The following IL1RAPL2 variants were observed in gnomAD, a reference collection of about 807,000 sequenced individuals.
IL1RAPL2 encodes the protein X-linked interleukin-1 receptor accessory protein-like 2.
In IL1RAPL2, 3 loss-of-function variants were observed where a neutral mutation model predicts 44.1. That is an observed-to-expected ratio of 0.07 (90% CI 0.03 to 0.18). The LOEUF (loss-of-function observed/expected upper bound fraction) is 0.18. Among genes scored for constraint, IL1RAPL2 ranks in the 10% least tolerant of loss-of-function variants. The pLI is 1.00. For missense variants in IL1RAPL2, 391 were observed against 496.4 expected (o/e 0.79, Z 2.02); for synonymous variants, 181 against 178.8 (o/e 1.01, Z -0.10).
chrX:105,594,952 G>A (rs142461617), intron 6 of IL1RAPL2, among the ~76,000 whole-genome samples: 6 of 111,603 alleles, frequency 5.4e-5, no homozygotes, highest in East Asian at 5.7e-4. Flanking sequence ...CACTACCTGC[G>A]TGACAGGATC....
intron 2 of IL1RAPL2, among the ~76,000 whole-genome samples, chrX:104,678,216 A>T (rs1321894413): frequency 8.9e-6 from 1 of 112,597 alleles, no homozygotes; most frequent in Non-Finnish European, 1.9e-5. Context: ...TGAACAGCCA[A>T]AGTACCTTCC....
At chrX:105,554,156 G>A (rs2036879819) in intron 6 of IL1RAPL2, among the ~76,000 whole-genome samples, 1 of 112,269 alleles carries the variant, frequency 8.9e-6, no homozygotes, top group Non-Finnish European at 1.9e-5. Context: ...ACATCAGATG[G>A]CCTATTTCTA....
chrX:105,356,168 G>A (rs1186798180), intron 5 of IL1RAPL2, among the ~76,000 whole-genome samples: 1 of 99,744 alleles, frequency 1.0e-5, no homozygotes, highest in African/African-American at 5.0e-5. Context: ...GTGTATGTGT[G>A]TGTGTGTGTG....
intron 5 of IL1RAPL2, among the ~76,000 whole-genome samples, chrX:105,292,331 G>A (rs2034619503): frequency 8.9e-6 from 1 of 112,218 alleles, no homozygotes; most frequent in Non-Finnish European, 1.9e-5. Context: ...AGGCCAAGAT[G>A]CAATAATTGA....
At chrX:104,908,791 C>A (rs948240173) in intron 2 of IL1RAPL2, among the ~76,000 whole-genome samples, 1 of 108,631 alleles carries the variant, frequency 9.2e-6, no homozygotes, top group Admixed American at 9.9e-5. Context: ...CTTGGAGTTG[C>A]TCTTCTCGAG....
intron 6 of IL1RAPL2, among the ~76,000 whole-genome samples, chrX:105,524,621 T>C (rs183376221): frequency 9.0e-6 from 1 of 110,878 alleles, no homozygotes; most frequent in Admixed American, 9.7e-5. Context: ...AAGATGTTTT[T>C]TTGAGGATGT....
chrX:104,975,292 T>C (rs1043054465), intron 2 of IL1RAPL2, among the ~76,000 whole-genome samples: 2 of 111,470 alleles, frequency 1.8e-5, no homozygotes, highest in Admixed American at 1.9e-4. Flanking sequence ...CAGAGCAGGA[T>C]TTTCAACTTT....
intron 6 of IL1RAPL2, among the ~76,000 whole-genome samples, chrX:105,620,885 G>T (rs1054850151): frequency 1.8e-5 from 2 of 111,149 alleles, no homozygotes; most frequent in Admixed American, 9.6e-5. Context: ...ATCTAATCTT[G>T]CTTCTAAATC....
intron 2 of IL1RAPL2, among the ~76,000 whole-genome samples, chrX:105,134,679 G>C (rs958197165): frequency 4.5e-5 from 5 of 111,113 alleles, no homozygotes; most frequent in Non-Finnish European, 7.6e-5. Flanking sequence ...TCTATAATAA[G>C]GACTATATAC....
At chrX:104,600,746 A>G (rs1244679834) in intron 1 of IL1RAPL2, among the ~76,000 whole-genome samples, 4 of 111,257 alleles carry the variant, frequency 3.6e-5, no homozygotes, top group Admixed American at 1.9e-4. Context: ...TTAGCTTCCA[A>G]TTATAAGTGA....
intron 2 of IL1RAPL2, among the ~76,000 whole-genome samples, chrX:104,818,758 AT>A (rs979312680): frequency 2.7e-5 from 3 of 110,986 alleles, no homozygotes; most frequent in African/African-American, 9.8e-5. Flanking sequence ...GGAAGGATCT[AT>A]TTTTTATAAT....
intron 2 of IL1RAPL2, among the ~76,000 whole-genome samples, chrX:104,822,695 C>T (rs1921334979): frequency 8.9e-6 from 1 of 111,886 alleles, no homozygotes; most frequent in South Asian, 3.7e-4. Flanking sequence ...AGTGTTATGC[C>T]TCCAGCTTTG....
At position 104,824,860 on chromosome X, in the gene IL1RAPL2, G is replaced by T. The variant is rs1212776952; in HGVS notation, c.82+165865G>T. Among the ~76,000 whole-genome samples the T allele has an allele frequency of 2.7e-5, 3 of 109,816 alleles. No homozygotes were observed. The Admixed American group carries it at 2.9e-4, about 11-fold the overall frequency. On this transcript the variant is annotated intron_variant, in intron 2 of 10. Transcript: ENST00000372582. ...TCCTGGATTAATTTATTTTTTGAAG[G>T]GTTTTTCATATCTCTACCTCATTCA... is the stretch of plus-strand genomic sequence containing the variant.
chrX:104,788,472 C>T (rs998923230), intron 2 of IL1RAPL2, among the ~76,000 whole-genome samples: 5 of 111,993 alleles, frequency 4.5e-5, no homozygotes, highest in Non-Finnish European at 9.4e-5. Context: ...ATTGGTTCAG[C>T]GTCAATTATA....
chrX:105,625,825 G>T (rs1009048273), intron 6 of IL1RAPL2, among the ~76,000 whole-genome samples: 1 of 110,939 alleles, frequency 9.0e-6, no homozygotes, highest in Non-Finnish European at 1.9e-5. Flanking sequence ...AAAAATCAAT[G>T]TTCCGGCAGA....
At chrX:105,407,401 A>T (rs372337114) in intron 5 of IL1RAPL2, among the ~76,000 whole-genome samples, 2 of 111,293 alleles carry the variant, frequency 1.8e-5, no homozygotes, top group Non-Finnish European at 3.8e-5. Context: ...TTTGAGATGC[A>T]TTTGAGGATT....
rs1556178854 is a variant in IL1RAPL2, at chrX:105,220,089, G to A, written c.357-13729G>A. On this transcript the variant is annotated intron_variant, in intron 3 of 10. Coordinates refer to ENST00000372582, the MANE Select transcript of IL1RAPL2 (RefSeq NM_017416.2). ...TCAGGTCTGATGCCAAGGCCTGTGC[G>A]GCTGATTTGTGCAGTTTGGCGAAGC... 11 of 1,210,115 alleles carry A rather than the reference G, an allele frequency of 9.1e-6. No individual in the cohort carries two copies. The Admixed American group carries it at 1.1e-4, about 12-fold the overall frequency.
chrX:105,215,636 A>C (rs1408481772), intron 3 of IL1RAPL2, among the ~76,000 whole-genome samples: 2 of 111,717 alleles, frequency 1.8e-5, no homozygotes, highest in African/African-American at 6.5e-5. Flanking sequence ...CTGATACCAA[A>C]ACCTGGCAGA....
At chrX:104,811,231 CAAGG>C (rs1186384605) in intron 2 of IL1RAPL2, among the ~76,000 whole-genome samples, 4 of 110,556 alleles carry the variant, frequency 3.6e-5, no homozygotes, top group African/African-American at 1.3e-4. Flanking sequence ...AACAAAAAAA[CAAGG>C]AAGAGTCAGG....
Sources: gnomAD v4.1 joint callset for allele counts (sites outside exome capture counted in the v4.1 genomes callset) on GRCh38, gnomAD v4.1.1 for gene constraint, MANE v1.5 for transcripts, NCBI Gene and HGNC (gene_info 2026-07-23, HGNC 2026-07-21) for gene names.